NAGA: variants seen among roughly 807,000 people sequenced by gnomAD.
NAGA encodes the protein Acetylgalactosaminidase, alpha-N- (alpha-galactosidase B).
A neutral mutation model predicts 45.6 loss-of-function variants in NAGA; 42 were observed. That is an observed-to-expected ratio of 0.92 (90% CI 0.72 to 1.19). The LOEUF is 1.19. NAGA is among the 50% of genes most tolerant of loss of function. The pLI is 0.00. For missense variants in NAGA, 493 were observed against 544.8 expected (o/e 0.90, Z 0.95); for synonymous variants, 176 against 203.1 (o/e 0.87, Z 1.13).
intron 8 of NAGA, 58 bp from the exon 9 acceptor site, chr22:42,060,471 C>T (rs1163133227): frequency 6.2e-7 from 1 of 1,607,534 alleles, no homozygotes. Context: ...CAGAGACCCC[C>T]CCCGCTAGAG....
Position 42,060,080 on chromosome 22 carries a change from G to A in NAGA, c.*199C>T. The A allele has an allele frequency of 3.1e-6, 2 of 644,090 alleles. No individual in the cohort carries two copies. The highest frequency in any genetic ancestry group is 5.3e-6 in the Non-Finnish European group (2 of 374,182). 39.9% of individuals were successfully genotyped at this position (644,090 alleles called of 1,614,324 possible). On this transcript the variant is annotated 3_prime_UTR_variant, in exon 9 of 9. Coordinates refer to ENST00000396398, the MANE Select transcript of NAGA (RefSeq NM_000262.3). ...AGGCCAGGAAGGCCACAGGAAAATT[G>A]CCCCAAAAGAAGTTTCCAAGAGGGT...
chr22:42,068,266 G>A (rs1170418995), intron 2 of NAGA, among the ~76,000 whole-genome samples, 173 bp downstream of exon 2: 8 of 152,142 alleles, frequency 5.3e-5, no homozygotes, highest in Admixed American at 5.2e-4. Context: ...CCCTGCAGAG[G>A]CTCCAGACAG....
chr22:42,067,745 A>C lies in NAGA; in HGVS notation c.324+20T>G, dbSNP rs1926825433. 6.2e-7 allele frequency: 1 copy of C among 1,609,458 alleles called. No homozygotes were observed. The highest frequency in any genetic ancestry group is 1.3e-5 in the African/African-American group (1 of 74,884). ...GTGGTCTAGCCCTGAGGCCAAGGGC[A>C]GGGCTGGGGTGCGGCTCACGTAGTC... On this transcript the variant is annotated intron_variant, in intron 3 of 8. Coordinates refer to ENST00000396398, the MANE Select transcript of NAGA (RefSeq NM_000262.3).
rs201086964 is a variant in NAGA at position 42,067,190 on chromosome 22, G to A, written c.425C>T (p.Ala142Val). ...GTTLDKVVQDAQTFAEWKVDM... is the reference protein window; with the variant it reads ...GTTLDKVVQDVQTFAEWKVDM... ...TACCTTCCACTCGGCGAAGGTCTGA[G>A]CATCCTGGACCACCTTGTCCAGTGT... The change falls in exon 4 of 9, where the codon GCT becomes GTT. Residue 142 changes from alanine (A) to valine (V), a missense_variant. Coordinates refer to ENST00000396398, the MANE Select transcript of NAGA (RefSeq NM_000262.3). 4 of 1,614,132 alleles carry A rather than the reference G, an allele frequency of 2.5e-6. No individual in the cohort carries two copies. Among genetic ancestry groups the A allele is most frequent in the Non-Finnish European group, 3.4e-6 (4 of 1,179,992 alleles).
chr22:42,070,102 G>T (rs1272533355), intron 1 of NAGA, among the ~76,000 whole-genome samples, 180 bp downstream of exon 1: 1 of 152,208 alleles, frequency 6.6e-6, no homozygotes. Context: ...AGAAAGGAAG[G>T]GCCCCTTTGA....
rs1292273450 is a variant in NAGA at position 42,070,454 on chromosome 22, C to T, written c.-157G>A. 7.3e-6 allele frequency: 6 copies of T among 816,902 alleles called. No individual in the cohort carries two copies. In the Admixed American group the frequency reaches 1.1e-4, roughly 15 times the overall value. The allele number at this position is 816,902 out of a possible 1,614,324, so 50.6% of individuals were successfully genotyped here. Reference sequence around the variant, plus strand: ...CTCAACCTTAGGCGTGGATCGTACACTCGGTCCCCAAGTTGCCCGCCCCAT... The same window carrying T: ...CTCAACCTTAGGCGTGGATCGTACATTCGGTCCCCAAGTTGCCCGCCCCAT... On this transcript the variant is annotated 5_prime_UTR_variant, in exon 1 of 9. In the 5' UTR this introduces an upstream ATG that the reference lacks. Transcript: ENST00000396398.
At chr22:42,064,456 T>G (rs1407670148) in intron 6 of NAGA, among the ~76,000 whole-genome samples, 1 of 137,080 alleles carries the variant, frequency 7.3e-6, no homozygotes, top group African/African-American at 2.7e-5. Context: ...CTGGCCAACA[T>G]GGTGAAACCC....
Position 42,066,708 on chromosome 22 carries a change from A to G in NAGA, c.597+2T>C, listed in dbSNP as rs532895155. The G allele has an allele frequency of 3.1e-6, 5 of 1,594,894 alleles. No individual in the cohort carries two copies. The highest frequency in any genetic ancestry group is 4.3e-6 in the Non-Finnish European group (5 of 1,171,086). On this transcript the variant is annotated splice_donor_variant, in intron 5 of 8. Transcript: ENST00000396398. LOFTEE classifies it high-confidence loss of function. Reference sequence around the variant, plus strand: ...CATCAGGCAGGGGGCAGAATGGCTTACCCTTGGGGGGAGGCCGCCTTCATA... The same window carrying G: ...CATCAGGCAGGGGGCAGAATGGCTTGCCCTTGGGGGGAGGCCGCCTTCATA...
rs1424461783 is a variant in NAGA, at chr22:42,060,081, C to A, written c.*198G>T. 3 of 651,612 alleles carry A rather than the reference C, an allele frequency of 4.6e-6. No homozygotes were observed. The highest frequency in any genetic ancestry group is 7.9e-6 in the Non-Finnish European group (3 of 380,816). 40.4% of individuals were successfully genotyped at this position (651,612 alleles called of 1,614,324 possible). On this transcript the variant is annotated 3_prime_UTR_variant, in exon 9 of 9. Coordinates refer to ENST00000396398, the MANE Select transcript of NAGA (RefSeq NM_000262.3). ...GGCCAGGAAGGCCACAGGAAAATTG[C>A]CCCAAAAGAAGTTTCCAAGAGGGTT...
At chr22:42,061,522 G>T (rs1189088985) in intron 7 of NAGA, among the ~76,000 whole-genome samples, 1 of 152,208 alleles carries the variant, frequency 6.6e-6, no homozygotes, top group Non-Finnish European at 1.5e-5. Flanking sequence ...CCTCCAGAAG[G>T]TTTTCCAGGC....
intron 7 of NAGA, 108 bp from the exon 8 acceptor site, chr22:42,061,175 TCA>T (rs1446232113): frequency 7.1e-7 from 1 of 1,406,444 alleles, no homozygotes; most frequent in Non-Finnish European, 9.8e-7. Context: ...CAGCTCCATG[TCA>T]CACAGGTTTA....
chr22:42,067,136 G>C lies in NAGA; in HGVS notation c.479C>G (p.Ser160Cys), dbSNP rs121434532. The C allele has an allele frequency of 6.8e-4, 1,091 of 1,614,124 alleles. 1 individual carries two copies. Among genetic ancestry groups the C allele is most frequent in the Non-Finnish European group, 7.8e-4 (917 of 1,180,014 alleles). ...VDMLKLDGCF[S>C]TPEERAQGYP... ...ACCCTGGGCCCGCTCCTCGGGGGTG[G>C]AGAAGCAGCCATCCAGCTTGAGCAT... Residue 160 changes from serine to cysteine, a missense_variant, in exon 4 of 9, where the codon TCC becomes TGC. Transcript: ENST00000396398.
chr22:42,068,623 C>A (rs753853803), intron 1 of NAGA, 49 bp from the exon 2 acceptor site: 1 of 1,609,414 alleles, frequency 6.2e-7, no homozygotes, highest in Non-Finnish European at 8.5e-7. Flanking sequence ...GCCCCCACAG[C>A]TCCAGCCCTC....
intron 5 of NAGA, 126 bp from the exon 6 acceptor site, chr22:42,066,025 C>T (rs1926708637): frequency 7.9e-7 from 1 of 1,268,330 alleles, no homozygotes; most frequent in Admixed American, 2.0e-5. Flanking sequence ...AGAACAGGCC[C>T]CACCGGCTTG....
At chr22:42,066,859 G>A (rs538335031) in intron 4 of NAGA, 55 bp from the exon 5 acceptor site, 35 of 1,536,002 alleles carry the variant, frequency 2.3e-5, no homozygotes, top group African/African-American at 1.1e-4. Flanking sequence ...GCAGTCTGGG[G>A]CCTTAGCCCA....
chr22:42,063,109 A>G lies in NAGA; in HGVS notation c.760-85T>C. The stretch of plus-strand genomic sequence containing the variant: ...CCATCCCCAAACTTGTAGCCGAGGA[A>G]GAGCAATTAGGGATTAGGGAAAGAT... On this transcript the variant is annotated intron_variant, in intron 6 of 8. Transcript: ENST00000396398. The G allele has an allele frequency of 2.2e-6, 3 of 1,338,770 alleles. No individual in the cohort carries two copies. In the South Asian group the frequency reaches 3.7e-5, roughly 17 times the overall value. The allele number at this position is 1,338,770 out of a possible 1,614,324, so 82.9% of individuals were successfully genotyped here.
chr22:42,070,198 TACCCACATTAGGG>T (rs1674661865), intron 1 of NAGA, 71 bp downstream of exon 1: 3 of 1,463,076 alleles, frequency 2.1e-6, no homozygotes, highest in Admixed American at 3.3e-5. Context: ...TCTCTCCACA[TACCCACATTAGGG>T]AAGAAGGGCC....
intron 7 of NAGA, among the ~76,000 whole-genome samples, chr22:42,061,746 G>A (rs531075256): frequency 6.6e-6 from 1 of 152,040 alleles, no homozygotes; most frequent in Admixed American, 6.5e-5. Context: ...GGAGTTTTGA[G>A]AGTAGCCTGG....
chr22:42,070,645 C>A lies in NAGA; in HGVS notation c.-348G>T. 2.4e-6 allele frequency: 1 copy of A among 419,494 alleles called. No homozygotes were observed. Among genetic ancestry groups the A allele is most frequent in the Non-Finnish European group, 4.4e-6 (1 of 225,724 alleles). 26.0% of individuals were successfully genotyped at this position (419,494 alleles called of 1,614,324 possible). ...AAAAAGGCAGCCACTGGCTTAAGGT[C>A]ACCAAGAAAGAGCGGAGGGGCGGGG... On this transcript the variant is annotated 5_prime_UTR_variant, in exon 1 of 9. Coordinates refer to ENST00000396398, the MANE Select transcript of NAGA (RefSeq NM_000262.3).
Sources: allele counts gnomAD v4.1 joint callset (sites outside exome capture counted in the v4.1 genomes callset), GRCh38; gene constraint gnomAD v4.1.1; transcripts MANE v1.5; gene names NCBI Gene and HGNC (gene_info 2026-07-23, HGNC 2026-07-21).